The following PPFIBP1 variants were observed in gnomAD, a reference collection of about 807,000 sequenced individuals.
PPFIBP1 encodes the protein PPFIB scaffold protein 1.
PPFIBP1 carries 112 observed loss-of-function variants against 137.8 expected under a neutral mutation model. The observed-to-expected ratio is 0.81, with a 90% CI of 0.70 to 0.95. The LOEUF is 0.95. Among genes scored for constraint, PPFIBP1 ranks in the 40% least tolerant of loss-of-function variants. The pLI is 0.00. For synonymous variants in PPFIBP1, 378 were observed against 417.3 expected (o/e 0.91, Z 1.15); for missense variants, 1,083 against 1,196.6 (o/e 0.91, Z 1.40).
chr12:27,674,817 T>TTC (rs1407366879), intron 17 of PPFIBP1, among the ~76,000 whole-genome samples: 1 of 141,082 alleles, frequency 7.1e-6, no homozygotes, highest in Non-Finnish European at 1.5e-5. Flanking sequence ...CCTGATTTTT[T>TTC]TTTTTTTTTT....
At chr12:27,593,511 A>G (rs1031427650) in intron 2 of PPFIBP1, 1 of 423,248 alleles carries the variant, frequency 2.4e-6, no homozygotes. Flanking sequence ...CATGTTCTTG[A>G]TGACTGACCT....
At chr12:27,648,081 C>G in intron 6 of PPFIBP1, 2 of 471,122 alleles carry the variant, frequency 4.2e-6, no homozygotes, top group Non-Finnish European at 6.8e-6. Context: ...TTTTAATTTT[C>G]TTTTTTTGCA....
chr12:27,598,908 T>C (rs2053640656), intron 2 of PPFIBP1, among the ~76,000 whole-genome samples: 1 of 152,214 alleles, frequency 6.6e-6, no homozygotes, highest in African/African-American at 2.4e-5. Context: ...TAAGCTGCCT[T>C]TTCTCTTGAA....
At chr12:27,644,922 T>A (rs1362934162) in intron 4 of PPFIBP1, among the ~76,000 whole-genome samples, 1 of 151,896 alleles carries the variant, frequency 6.6e-6, no homozygotes, top group Non-Finnish European at 1.5e-5. Flanking sequence ...CCTGTTTTTT[T>A]TCTTCCCCCT....
At chr12:27,662,382 C>T (rs955150233) in intron 11 of PPFIBP1, among the ~76,000 whole-genome samples, 3 of 152,158 alleles carry the variant, frequency 2.0e-5, no homozygotes, top group African/African-American at 7.2e-5. Flanking sequence ...AGCTTGTAAA[C>T]CTTAGGCAGT....
chr12:27,644,301 T>C lies in PPFIBP1; in HGVS notation c.271-1761T>C, dbSNP rs537965959. On this transcript the variant is annotated intron_variant, in intron 4 of 29. Coordinates refer to ENST00000228425, the MANE Select transcript of PPFIBP1 (RefSeq NM_003622.4). ...TAGGGTCTTGCCATGTTGCCTATGCTGGCCTCAAACTTCTGGGCTCACACA... is the reference window on the plus strand; with the variant it reads ...TAGGGTCTTGCCATGTTGCCTATGCCGGCCTCAAACTTCTGGGCTCACACA... Among the ~76,000 whole-genome samples the C allele has an allele frequency of 3.4e-5, 5 of 148,890 alleles. No individual in the cohort carries two copies. In the South Asian group the frequency reaches 8.8e-4, roughly 26 times the overall value.
At chr12:27,548,073 A>C (rs1946403273) in intron 1 of PPFIBP1, 1 of 152,184 alleles carries the variant, frequency 6.6e-6, no homozygotes, top group Non-Finnish European at 1.5e-5. Flanking sequence ...TGAACTATTA[A>C]ATAAACAGAT....
chr12:27,616,247 C>G (rs1394898702), intron 2 of PPFIBP1, among the ~76,000 whole-genome samples: 1 of 151,110 alleles, frequency 6.6e-6, no homozygotes, highest in East Asian at 1.9e-4. Flanking sequence ...CCAAAATTTC[C>G]AGAACTCAGT....
At chr12:27,641,631 C>G (rs543109996) in intron 4 of PPFIBP1, among the ~76,000 whole-genome samples, 111 of 152,146 alleles carry the variant, frequency 7.3e-4, no homozygotes, top group Non-Finnish European at 1.2e-3. Context: ...TGTAATACTT[C>G]ATAATTAAAA....
At chr12:27,603,314 A>G (rs2054188091) in intron 2 of PPFIBP1, among the ~76,000 whole-genome samples, 1 of 152,322 alleles carries the variant, frequency 6.6e-6, no homozygotes, top group African/African-American at 2.4e-5. Flanking sequence ...AGTTTTTGAA[A>G]TGATTATATA....
chr12:27,650,097 G>T lies in PPFIBP1; in HGVS notation c.559G>T (p.Glu187Ter). Residue 187 changes from glutamate to a stop codon, truncating the protein, a stop_gained, in exon 7 of 30, where the codon GAG (glutamate) becomes TAG (stop). Transcript: ENST00000228425. LOFTEE classifies it high-confidence loss of function. ...SNLKLKLTAV[E>*]KDRLDYEDKF... is the part of the protein sequence containing the mutation. ...CTTGAAGTTGAAACTGACAGCTGTA[G>T]AGAAGGACAGATTGGATTATGAAGA... The T allele has an allele frequency of 6.2e-7, 1 of 1,608,914 alleles. No homozygotes were observed. Among genetic ancestry groups the T allele is most frequent in the South Asian group, 1.1e-5 (1 of 90,946 alleles).
intron 2 of PPFIBP1, among the ~76,000 whole-genome samples, chr12:27,630,551 T>G (rs1464508220): frequency 6.6e-6 from 1 of 152,194 alleles, no homozygotes; most frequent in Non-Finnish European, 1.5e-5. Context: ...CTTAAAAAAC[T>G]AATCTGATGA....
intron 1 of PPFIBP1, among the ~76,000 whole-genome samples, chr12:27,529,172 T>C (rs1194057656): frequency 1.3e-5 from 2 of 152,170 alleles, no homozygotes; most frequent in Admixed American, 1.3e-4. Context: ...AGTACCACCA[T>C]CACGTTTGGG....
At chr12:27,689,440 A>T (rs915699651) in intron 27 of PPFIBP1, among the ~76,000 whole-genome samples, 3 of 137,882 alleles carry the variant, frequency 2.2e-5, no homozygotes, top group African/African-American at 6.6e-5. Flanking sequence ...TTGTAAGAAT[A>T]AAAAAAAAAG....
intron 2 of PPFIBP1, among the ~76,000 whole-genome samples, chr12:27,617,198 C>T (rs745858480): frequency 1.1e-4 from 16 of 152,124 alleles, no homozygotes; most frequent in Non-Finnish European, 2.1e-4. Context: ...TATGTTGTTC[C>T]GCAGCCTTGT....
At chr12:27,637,757 T>C (rs2057788557) in intron 4 of PPFIBP1, among the ~76,000 whole-genome samples, 1 of 152,144 alleles carries the variant, frequency 6.6e-6, no homozygotes, top group South Asian at 2.1e-4. Context: ...ACCACACACC[T>C]ACCACGATAG....
chr12:27,604,658 G>A (rs1382862296), intron 2 of PPFIBP1, among the ~76,000 whole-genome samples: 1 of 152,248 alleles, frequency 6.6e-6, no homozygotes, highest in Non-Finnish European at 1.5e-5. Flanking sequence ...CAGAGCATCT[G>A]TGAATAGACG....
intron 2 of PPFIBP1, among the ~76,000 whole-genome samples, chr12:27,595,186 T>G (rs549681803): frequency 6.6e-6 from 1 of 152,354 alleles, no homozygotes; most frequent in South Asian, 2.1e-4. Context: ...TTAGTCCAGC[T>G]TTTTCTGTGA....
intron 2 of PPFIBP1, among the ~76,000 whole-genome samples, chr12:27,583,534 T>C (rs1465281125): frequency 6.6e-6 from 1 of 151,896 alleles, no homozygotes. Context: ...TTCTTCATGG[T>C]CTATATTGGT....
Sources: gnomAD v4.1 joint callset for allele counts (sites outside exome capture counted in the v4.1 genomes callset) on GRCh38, gnomAD v4.1.1 for gene constraint, MANE v1.5 for transcripts, NCBI Gene and HGNC (gene_info 2026-07-23, HGNC 2026-07-21) for gene names.